GPM6B: variants seen among roughly 807,000 people sequenced by gnomAD.
GPM6B encodes glycoprotein M6B.
GPM6B carries 4 observed loss-of-function variants against 27.2 expected under a neutral mutation model. The observed-to-expected ratio is 0.15, with a 90% CI of 0.07 to 0.34. GPM6B has a LOEUF of 0.34. Among genes scored for constraint, GPM6B ranks in the 10% least tolerant of loss-of-function variants. The probability of loss-of-function intolerance (pLI) is 1.00; values close to 1 mark genes in which losing one functional copy is unlikely to be tolerated. For missense variants in GPM6B, 183 were observed against 261.9 expected (o/e 0.70, Z 2.08); for synonymous variants, 124 against 103.1 (o/e 1.20, Z -1.23).
intron 1 of GPM6B, among the ~76,000 whole-genome samples, chrX:13,934,106 G>C (rs763062439): frequency 1.8e-5 from 2 of 110,298 alleles, no homozygotes; most frequent in African/African-American, 3.3e-5. Context: ...AACAGCTTTC[G>C]GTAGAGCAAA....
chrX:13,806,634 GA>G (rs985176085), intron 2 of GPM6B, among the ~76,000 whole-genome samples: 11 of 112,139 alleles, frequency 9.8e-5, no homozygotes, highest in African/African-American at 2.9e-4. Flanking sequence ...GATTTTAAAG[GA>G]AAAGGTTTTA....
chrX:13,874,086 C>T (rs924975711), intron 1 of GPM6B, among the ~76,000 whole-genome samples: 2 of 111,800 alleles, frequency 1.8e-5, no homozygotes, highest in Non-Finnish European at 3.8e-5. Context: ...TATATTAACA[C>T]TTTTTATTCA....
At chrX:13,914,671 T>C (rs756897362) in intron 1 of GPM6B, among the ~76,000 whole-genome samples, 2 of 112,371 alleles carry the variant, frequency 1.8e-5, no homozygotes, top group East Asian at 2.8e-4. Flanking sequence ...GAATAACATT[T>C]TGGGGGGTTC....
At chrX:13,867,706 A>G (rs1603095963) in intron 1 of GPM6B, among the ~76,000 whole-genome samples, 1 of 111,872 alleles carries the variant, frequency 8.9e-6, no homozygotes, top group Non-Finnish European at 1.9e-5. Flanking sequence ...AAGGAAGACA[A>G]ACCAGAAAGA....
chrX:13,800,177 C>T (rs977301854), intron 2 of GPM6B, among the ~76,000 whole-genome samples: 1 of 111,480 alleles, frequency 9.0e-6, no homozygotes, highest in Admixed American at 9.5e-5. Context: ...GGAGAGCCCA[C>T]ACATGGAAAA....
At chrX:13,924,597 G>A (rs903944712) in intron 1 of GPM6B, among the ~76,000 whole-genome samples, 4 of 111,957 alleles carry the variant, frequency 3.6e-5, no homozygotes, top group Non-Finnish European at 5.6e-5. Context: ...CTCCATGCCC[G>A]GCCACAACCA....
At chrX:13,899,278 G>A (rs1267507849) in intron 1 of GPM6B, among the ~76,000 whole-genome samples, 1 of 107,813 alleles carries the variant, frequency 9.3e-6, no homozygotes, top group African/African-American at 3.4e-5. Context: ...ATGCGTGGTG[G>A]TGGGCGCCTG....
At chrX:13,866,673 T>A (rs1184750995) in intron 1 of GPM6B, among the ~76,000 whole-genome samples, 3 of 111,061 alleles carry the variant, frequency 2.7e-5, no homozygotes, top group Admixed American at 9.6e-5. Context: ...TATCTATTTT[T>A]AAAAAAACAA....
intron 2 of GPM6B, among the ~76,000 whole-genome samples, chrX:13,797,173 T>C (rs1304728127): frequency 8.9e-6 from 1 of 112,381 alleles, no homozygotes; most frequent in Non-Finnish European, 1.9e-5. Flanking sequence ...GTCTGTCCAA[T>C]ACCTGCCATG....
At chrX:13,819,748 GAAAACTCTTCT>G (rs1243601713), upstream of GPM6B, among the ~76,000 whole-genome samples, 2 of 111,600 alleles carry the variant, frequency 1.8e-5, no homozygotes, top group African/African-American at 6.5e-5. Context: ...ATGGGACACA[GAAAACTCTTCT>G]AAAACAGGGT....
At chrX:13,796,347 G>A (rs1193973457) in intron 2 of GPM6B, among the ~76,000 whole-genome samples, 3 of 112,323 alleles carry the variant, frequency 2.7e-5, no homozygotes, top group East Asian at 5.5e-4. Flanking sequence ...GGGATTACAG[G>A]CATGAGCCAC....
At chrX:13,888,163 C>T (rs751383678) in intron 1 of GPM6B, among the ~76,000 whole-genome samples, 4 of 111,998 alleles carry the variant, frequency 3.6e-5, no homozygotes, top group Non-Finnish European at 7.5e-5. Flanking sequence ...CAACGGAAAA[C>T]GTCATGGTTT....
chrX:13,801,173 C>T (rs2048915053), intron 2 of GPM6B, among the ~76,000 whole-genome samples: 1 of 111,390 alleles, frequency 9.0e-6, no homozygotes, highest in Non-Finnish European at 1.9e-5. Context: ...TCACAGTATC[C>T]ACTTAACGGG....
intron 1 of GPM6B, chrX:13,889,567 A>G (rs1603115316): frequency 9.0e-6 from 1 of 111,695 alleles, no homozygotes; most frequent in African/African-American, 3.3e-5. Context: ...TGCTAAGAAC[A>G]TGGAGCAGGG....
intron 1 of GPM6B, among the ~76,000 whole-genome samples, chrX:13,848,255 G>A (rs984309560): frequency 4.5e-5 from 5 of 111,757 alleles, no homozygotes; most frequent in Non-Finnish European, 9.4e-5. Flanking sequence ...AATAGGATAA[G>A]CTGAGACCTT....
At chrX:13,853,186 C>G (rs1333798437) in intron 1 of GPM6B, among the ~76,000 whole-genome samples, 1 of 111,141 alleles carries the variant, frequency 9.0e-6, no homozygotes, top group African/African-American at 3.3e-5. Flanking sequence ...ACTTAGGTAC[C>G]TGCGTCCCAA....
At chrX:13,824,206 T>C (rs2049344971) in intron 1 of GPM6B, among the ~76,000 whole-genome samples, 1 of 112,054 alleles carries the variant, frequency 8.9e-6, no homozygotes, top group Middle Eastern at 4.6e-3. Context: ...TGACCTAAAA[T>C]GTTTCTAAAC....
In GPM6B at chrX:13,787,438, C is replaced by T. The variant is rs750335256; in HGVS notation, c.182-1630G>A. Among the ~76,000 whole-genome samples the T allele has an allele frequency of 1.2e-4, 13 of 111,695 alleles. No homozygotes were observed. The Admixed American group carries it at 1.2e-3, about 11-fold the overall frequency. On this transcript the variant is annotated intron_variant, in intron 2 of 7. Transcript: ENST00000316715. Reference sequence around the variant, plus strand: ...GGGTGTGGTGGTGGGCACCTGTAGTCCCAGCTACTTGGGAGGCTGAGGCAA... The same window carrying T: ...GGGTGTGGTGGTGGGCACCTGTAGTTCCAGCTACTTGGGAGGCTGAGGCAA...
At chrX:13,937,320 A>G (rs977055916) in intron 1 of GPM6B, among the ~76,000 whole-genome samples, 6 of 111,916 alleles carry the variant, frequency 5.4e-5, no homozygotes, top group Non-Finnish European at 3.8e-5. Flanking sequence ...GAAATGCAAA[A>G]AAGTGCCCCC....
Sources: allele counts gnomAD v4.1 joint callset (sites outside exome capture counted in the v4.1 genomes callset), GRCh38; gene constraint gnomAD v4.1.1; transcripts MANE v1.5; gene names NCBI Gene and HGNC (gene_info 2026-07-23, HGNC 2026-07-21).